Variants in NTMT1 observed in about 807,000 individuals in gnomAD.
NTMT1 encodes N-terminal Xaa-Pro-Lys N-methyltransferase 1.
In NTMT1, 8 loss-of-function variants were observed where a neutral mutation model predicts 17.5. The ratio of observed to expected loss-of-function variants is 0.46; its 90% confidence interval spans 0.27 to 0.82. NTMT1 has a LOEUF of 0.82. Among genes scored for constraint, NTMT1 ranks in the 40% least tolerant of loss-of-function variants. The probability of loss-of-function intolerance (pLI) is 0.15; values close to 1 mark genes in which losing one functional copy is unlikely to be tolerated. For missense variants in NTMT1, 221 were observed against 303.5 expected, an observed-to-expected ratio of 0.73 and a Z score of 2.02; for synonymous variants, 128 against 126.8, an observed-to-expected ratio of 1.01 and a Z score of -0.06.
rs2302779 is a variant in NTMT1 at position 129,613,153 on chromosome 9, C to T, written c.-55+3975C>T. 0.16 allele frequency: 254,147 copies of T among 1,613,616 alleles called. 22,363 individuals carry two copies. The highest frequency in any genetic ancestry group is 0.29 in the East Asian group (13,065 of 44,856). On this transcript the variant is annotated intron_variant, in intron 1 of 3. Transcript: ENST00000372486. This position sits in a 1 kb window ranked among gnomAD's most constrained non-coding sequence, Gnocchi z 6.2. ...GTCCAAGAAGGCTCGGAGGCTGCTT[C>T]GCGGCCTCTGAGCAGCGGCCTTCTT... is the stretch of plus-strand genomic sequence containing the variant.
upstream of NTMT1, chr9:129,626,027 A>T (rs867762417): frequency 6.6e-6 from 1 of 152,182 alleles, no homozygotes; most frequent in African/African-American, 2.4e-5. Context: ...AAAAAAAAAA[A>T]AAATTTAAAT....
In NTMT1 at chr9:129,620,204, C is replaced by T. The variant is rs1357232412; in HGVS notation, c.-55+11026C>T. On this transcript the variant is annotated intron_variant, in intron 1 of 3. Transcript: ENST00000372486. The surrounding 1 kb of genome is among the most constrained non-coding windows in gnomAD (Gnocchi z 5.8). ...GGCCACGCGCCTCCGGGGGCGCTCG[C>T]GCTCTCCAGGCCCTGGCTGCCTGGG... 4 of 1,446,268 alleles carry T rather than the reference C, an allele frequency of 2.8e-6. No homozygotes were observed. The African/African-American group carries it at 4.3e-5, about 16-fold the overall frequency. 89.6% of individuals were successfully genotyped at this position (1,446,268 alleles called of 1,614,324 possible).
intron 1 of NTMT1, among the ~76,000 whole-genome samples, chr9:129,609,477 G>T (rs896121263): frequency 2.6e-5 from 4 of 152,164 alleles, no homozygotes; most frequent in African/African-American, 4.8e-5. Flanking sequence ...ATGGGTCTGA[G>T]TTGGGGGGAG....
In NTMT1 at chr9:129,632,870, G is replaced by A. The variant is rs201167772; in HGVS notation, c.162+5G>A. On this transcript the variant is annotated splice_donor_5th_base_variant and intron_variant, in intron 2 of 3. Transcript: ENST00000372483. ...TTTCTGCAGAGGTTTTTGAGGGTAGGCAGGTCTGGCGTGCTCTCCAGGAGA... is the reference window on the plus strand; with the variant it reads ...TTTCTGCAGAGGTTTTTGAGGGTAGACAGGTCTGGCGTGCTCTCCAGGAGA... 27 of 1,613,476 alleles carry A rather than the reference G, an allele frequency of 1.7e-5. No individual in the cohort carries two copies. The highest frequency in any genetic ancestry group is 2.1e-5 in the Non-Finnish European group (25 of 1,179,750).
At position 129,613,746 on chromosome 9, in the gene NTMT1, G is replaced by T; in HGVS notation, c.-55+4568G>T. ...CCCCAGCGCCTTCTGGCTGCCTCCA[G>T]AGAAGCCTTGGGTTTTAAAACCACC... On this transcript the variant is annotated intron_variant, in intron 1 of 3. Coordinates refer to the NTMT1 transcript ENST00000372486. This position sits in a 1 kb window ranked among gnomAD's most constrained non-coding sequence, Gnocchi z 6.2. 1 of 985,740 alleles carries T rather than the reference G, an allele frequency of 1.0e-6. No homozygotes were observed. Among genetic ancestry groups the T allele is most frequent in the Non-Finnish European group, 1.5e-6 (1 of 676,200 alleles). 61.1% of individuals were successfully genotyped at this position (985,740 alleles called of 1,614,324 possible). A position where few individuals can be genotyped will look rare whatever the true frequency, so the allele number is the denominator to read the frequency against.
chr9:129,620,695 G>T lies in NTMT1; in HGVS notation c.-55+11517G>T. 1.1e-6 allele frequency: 1 copy of T among 926,434 alleles called. No individual in the cohort carries two copies. Among genetic ancestry groups the T allele is most frequent in the Non-Finnish European group, 1.4e-6 (1 of 709,680 alleles). The allele number at this position is 926,434 out of a possible 1,614,324, so 57.4% of individuals were successfully genotyped here. On this transcript the variant is annotated intron_variant, in intron 1 of 3. Coordinates refer to the NTMT1 transcript ENST00000372486. This position sits in a 1 kb window ranked among gnomAD's most constrained non-coding sequence, Gnocchi z 5.8. ...TGCCCCGGGCGGGGCAGCGCGGTGC[G>T]GGGTGAACGCCACCGGCCCGGCGGA... is the stretch of plus-strand genomic sequence containing the variant.
Position 129,620,220 on chromosome 9 carries a change from GCTGC to G in NTMT1, c.-55+11046_-55+11049del. 7.3e-7 allele frequency: 1 copy of G among 1,362,042 alleles called. No homozygotes were observed. The highest frequency in any genetic ancestry group is 1.9e-5 in the South Asian group (1 of 53,886). 84.4% of individuals were successfully genotyped at this position (1,362,042 alleles called of 1,614,324 possible). On this transcript the variant is annotated intron_variant, in intron 1 of 3. Transcript: ENST00000372486. This position sits in a 1 kb window ranked among gnomAD's most constrained non-coding sequence, Gnocchi z 5.8. ...GGGCGCTCGCGCTCTCCAGGCCCTG[GCTGC>G]CTGGGCGCCGATTCCCGGGACGCGC... is the stretch of plus-strand genomic sequence containing the variant.
intron 1 of NTMT1, among the ~76,000 whole-genome samples, chr9:129,610,790 G>A (rs1365506450): frequency 6.6e-6 from 1 of 152,188 alleles, no homozygotes; most frequent in Admixed American, 6.5e-5. Context: ...GAGGCTCAGA[G>A]AGGGCGACGT....
chr9:129,615,437 G>A (rs1830319121), intron 1 of NTMT1: 1 of 1,517,424 alleles, frequency 6.6e-7, no homozygotes, highest in African/African-American at 1.4e-5. Context: ...CTGCCCTCCT[G>A]GCTAGAACTT....
At chr9:129,633,897 C>T (rs372825274) in intron 2 of NTMT1, among the ~76,000 whole-genome samples, 157 bp from the exon 3 acceptor site, 186 of 152,320 alleles carry the variant, frequency 1.2e-3, no homozygotes, top group African/African-American at 4.2e-3. Flanking sequence ...CCCTCGACTC[C>T]GTACAAGCTG....
upstream of NTMT1, among the ~76,000 whole-genome samples, chr9:129,624,148 C>G (rs1465226064): frequency 2.0e-5 from 3 of 152,120 alleles, no homozygotes; most frequent in Admixed American, 6.6e-5. Context: ...AAATATTTAT[C>G]AAGGAACTAC....
intron 1 of NTMT1, chr9:129,619,810 G>A: frequency 6.2e-7 from 1 of 1,614,168 alleles, no homozygotes. Context: ...ACACCCCTTT[G>A]ATGTTGCGGT....
chr9:129,618,996 G>A (rs922007925), intron 1 of NTMT1, among the ~76,000 whole-genome samples: 3 of 151,478 alleles, frequency 2.0e-5, no homozygotes, highest in Admixed American at 6.6e-5. Context: ...TTACAGGTGT[G>A]AGCCACCGTG....
Position 129,620,663 on chromosome 9 carries a change from G to A in NTMT1, c.-55+11485G>A. 1 of 1,173,784 alleles carries A rather than the reference G, an allele frequency of 8.5e-7. No individual in the cohort carries two copies. Among genetic ancestry groups the A allele is most frequent in the East Asian group, 3.2e-5 (1 of 31,568 alleles). The allele number at this position is 1,173,784 out of a possible 1,614,324, so 72.7% of individuals were successfully genotyped here. A position where few individuals can be genotyped will look rare whatever the true frequency, so the allele number is the denominator to read the frequency against. ...TGGGGAGGGCATAGTCCAGCCCCAGGCCATAGTGCCCCGGGCGGGGCAGCG... is the reference window on the plus strand; with the variant it reads ...TGGGGAGGGCATAGTCCAGCCCCAGACCATAGTGCCCCGGGCGGGGCAGCG... On this transcript the variant is annotated intron_variant, in intron 1 of 3. Coordinates refer to the NTMT1 transcript ENST00000372486. This position sits in a 1 kb window ranked among gnomAD's most constrained non-coding sequence, Gnocchi z 5.8.
rs1389054602 is a variant in NTMT1, at chr9:129,614,475, G to A, written c.-55+5297G>A. Among the ~76,000 whole-genome samples, 1 of 152,212 alleles carries A rather than the reference G, an allele frequency of 6.6e-6. No individual in the cohort carries two copies. The highest frequency in any genetic ancestry group is 1.5e-5 in the Non-Finnish European group (1 of 68,036). ...GCTCAATAAACAGCTAGAGGACATT[G>A]ACTGTTGGGGACCCTGGGGGCTGCT... On this transcript the variant is annotated intron_variant, in intron 1 of 3. Transcript: ENST00000372486. The surrounding 1 kb of genome is among the most constrained non-coding windows in gnomAD (Gnocchi z 4.4).
intron 1 of NTMT1, among the ~76,000 whole-genome samples, chr9:129,615,146 G>A (rs1830291762): frequency 6.6e-6 from 1 of 152,212 alleles, no homozygotes; most frequent in Non-Finnish European, 1.5e-5. Context: ...CCTGTAGGCT[G>A]TGGGGACTGC....
upstream of NTMT1, among the ~76,000 whole-genome samples, chr9:129,623,280 C>T (rs556892232): frequency 4.6e-5 from 7 of 150,548 alleles, no homozygotes; most frequent in East Asian, 5.9e-4. Context: ...TTGCAGTGAG[C>T]GGAGATCGCG....
In NTMT1 at chr9:129,620,212, A is replaced by G. The variant is rs1461103055; in HGVS notation, c.-55+11034A>G. 1.4e-6 allele frequency: 2 copies of G among 1,382,378 alleles called. No individual in the cohort carries two copies. The highest frequency in any genetic ancestry group is 5.7e-5 in the East Asian group (2 of 34,840). 85.6% of individuals were successfully genotyped at this position (1,382,378 alleles called of 1,614,324 possible). A position where few individuals can be genotyped will look rare whatever the true frequency, so the allele number is the denominator to read the frequency against. On this transcript the variant is annotated intron_variant, in intron 1 of 3. Transcript: ENST00000372486. This position sits in a 1 kb window ranked among gnomAD's most constrained non-coding sequence, Gnocchi z 5.8. Reference sequence around the variant, plus strand: ...GCCTCCGGGGGCGCTCGCGCTCTCCAGGCCCTGGCTGCCTGGGCGCCGATT... The same window carrying G: ...GCCTCCGGGGGCGCTCGCGCTCTCCGGGCCCTGGCTGCCTGGGCGCCGATT...
chr9:129,625,025 G>A (rs2118910920), upstream of NTMT1, among the ~76,000 whole-genome samples: 1 of 152,338 alleles, frequency 6.6e-6, no homozygotes, highest in South Asian at 2.1e-4. Context: ...TGCAGGTGCT[G>A]AGCTGAAGGT....
Sources: gnomAD v4.1 joint callset for allele counts (sites outside exome capture counted in the v4.1 genomes callset) on GRCh38, gnomAD v4.1.1 for gene constraint, Gnocchi (gnomAD v3.1) non-coding constraint, MANE v1.5 for transcripts, NCBI Gene and HGNC (gene_info 2026-07-23, HGNC 2026-07-21) for gene names.